The following NPHP4 variants were observed in gnomAD, a reference collection of about 807,000 sequenced individuals.
NPHP4 encodes nephrocystin 4.
A neutral mutation model predicts 155.8 loss-of-function variants in NPHP4; 151 were observed. That is an observed-to-expected ratio of 0.97 (90% confidence interval 0.85 to 1.11). The LOEUF (loss-of-function observed/expected upper bound fraction) is 1.11, where lower values mean the gene tolerates loss of function less well. Ranked by LOEUF, NPHP4 falls within the 50% of genes least tolerant of loss-of-function variation. The probability of loss-of-function intolerance (pLI) is 0.00; values close to 1 mark genes in which losing one functional copy is unlikely to be tolerated. For synonymous variants in NPHP4, 845 were observed against 816.8 expected, an observed-to-expected ratio of 1.03 and a Z score of -0.59; for missense variants, 1,956 against 1,925.7, an observed-to-expected ratio of 1.02 and a Z score of -0.29.
At chr1:5,988,429 C>T (rs1655793165) in intron 1 of NPHP4, among the ~76,000 whole-genome samples, 1 of 152,216 alleles carries the variant, frequency 6.6e-6, no homozygotes, top group African/African-American at 2.4e-5. Context: ...AAAAGAATCC[C>T]ACTCTTCTAA....
chr1:5,864,982 G>A lies in NPHP4; in HGVS notation c.3816+120C>T, dbSNP rs77330483. ...AGGCCTCTGGTAACAGCGTCTGCGC[G>A]CTGGAGGCGCTGGAAAAGCTGCTGT... On this transcript the variant is annotated intron_variant, in intron 27 of 29. Transcript: ENST00000378156. 711 of 971,026 alleles carry A rather than the reference G, an allele frequency of 7.3e-4. 3 individuals carry two copies. Among genetic ancestry groups the A allele is most frequent in the Middle Eastern group, 1.9e-3 (6 of 3,240 alleles). The allele number at this position is 971,026 out of a possible 1,614,324, so 60.2% of individuals were successfully genotyped here.
intron 2 of NPHP4, among the ~76,000 whole-genome samples, chr1:5,981,746 G>C (rs1022529320): frequency 4.6e-5 from 7 of 152,056 alleles, no homozygotes; most frequent in African/African-American, 9.7e-5. Context: ...TATTTTGATT[G>C]ATCTTTGTAA....
At chr1:5,907,050 C>G in intron 13 of NPHP4, 65 bp downstream of exon 13, 4 of 997,636 alleles carry the variant, frequency 4.0e-6, no homozygotes, top group Non-Finnish European at 5.7e-6. Flanking sequence ...GTGCAAAAAC[C>G]CAAAATGAGG....
At chr1:5,950,736 C>T (rs552022549) in intron 7 of NPHP4, among the ~76,000 whole-genome samples, 25 of 152,280 alleles carry the variant, frequency 1.6e-4, no homozygotes, top group African/African-American at 4.3e-4. Flanking sequence ...CAGCCCCCAG[C>T]GGACCAGCCA....
Position 5,904,611 on chromosome 1 carries a change from A to T in NPHP4, c.2143+6T>A. On this transcript the variant is annotated splice_donor_region_variant and intron_variant, in intron 16 of 29. Transcript: ENST00000378156. ...TCTTGCCTTTGCCATGCACATGAGT[A>T]CTCACCAGCATCAAAGGTGCCATCT... The T allele has an allele frequency of 6.2e-7, 1 of 1,600,028 alleles. No homozygotes were observed. The highest frequency in any genetic ancestry group is 2.2e-5 in the East Asian group (1 of 44,686).
At chr1:5,886,918 A>C in intron 18 of NPHP4, 9 of 199,332 alleles carry the variant, frequency 4.5e-5, no homozygotes, top group Non-Finnish European at 8.1e-5. Flanking sequence ...GCTGCAGGGA[A>C]GTTAGGAACA....
rs1644185934 is a variant in NPHP4 at position 5,892,568 on chromosome 1, AGTG to A, written c.2144-1543_2144-1541del. ...AAAGGCCCTGGCAGTGCTGGGGTAT[AGTG>A]GTGACAGAATGGGGGCCGGTCCAGC... is the stretch of plus-strand genomic sequence containing the variant. On this transcript the variant is annotated intron_variant, in intron 16 of 29. Transcript: ENST00000378156. This position sits in a 1 kb window ranked among gnomAD's most constrained non-coding sequence, Gnocchi z 4.5. Among the ~76,000 whole-genome samples the A allele has an allele frequency of 6.6e-6, 1 of 152,132 alleles. No homozygotes were observed. The highest frequency in any genetic ancestry group is 1.5e-5 in the Non-Finnish European group (1 of 68,000).
At chr1:5,888,598 T>C (rs779109303) in intron 17 of NPHP4, 5 of 1,351,250 alleles carry the variant, frequency 3.7e-6, no homozygotes, top group South Asian at 2.3e-5. Context: ...ACTGAGAAGA[T>C]ATGAGAAGTC....
At chr1:5,976,132 G>A (rs892079518) in intron 3 of NPHP4, among the ~76,000 whole-genome samples, 1 of 152,198 alleles carries the variant, frequency 6.6e-6, no homozygotes, top group African/African-American at 2.4e-5. Context: ...GAAGCAGGAG[G>A]TCACGGAGGC....
chr1:5,875,103 G>A lies in NPHP4; in HGVS notation c.2818-3C>T. The A allele has an allele frequency of 1.9e-6, 3 of 1,592,576 alleles. No individual in the cohort carries two copies. The highest frequency in any genetic ancestry group is 4.5e-5 in the East Asian group (2 of 44,308). On this transcript the variant is annotated splice_region_variant and splice_polypyrimidine_tract_variant and intron_variant, in intron 20 of 29. Coordinates refer to ENST00000378156, the MANE Select transcript of NPHP4 (RefSeq NM_015102.5). The stretch of plus-strand genomic sequence containing the variant: ...TGTGTGCGGACGCTCTGCTGCGCCT[G>A]CAGACAAGAGGACATGGGTGGACAG...
At chr1:5,914,257 CAAAAAAA>C (rs575438284) in intron 11 of NPHP4, among the ~76,000 whole-genome samples, 91 of 47,390 alleles carry the variant, frequency 1.9e-3, no homozygotes, top group Middle Eastern at 0.019. Flanking sequence ...CTTATCTATA[CAAAAAAA>C]AAAAAAAAAA....
At chr1:5,953,765 C>G (rs1305873398) in intron 6 of NPHP4, among the ~76,000 whole-genome samples, 1 of 152,252 alleles carries the variant, frequency 6.6e-6, no homozygotes, top group Non-Finnish European at 1.5e-5. Context: ...GCCTTCTCCA[C>G]TTGCTCTAGA....
rs1248677592 is a variant in NPHP4, at chr1:5,890,257, T to C, written c.2304+611A>G. Among the ~76,000 whole-genome samples, 3 of 152,122 alleles carry C rather than the reference T, an allele frequency of 2.0e-5. No individual in the cohort carries two copies. The highest frequency in any genetic ancestry group is 4.1e-4 in the South Asian group (2 of 4,828). ...GCCTGAGAGAAGTCTCAGGACACCA[T>C]GGTAGCGTGTGAAACTGGCCCCAGT... On this transcript the variant is annotated intron_variant, in intron 17 of 29. Transcript: ENST00000378156. This position sits in a 1 kb window ranked among gnomAD's most constrained non-coding sequence, Gnocchi z 4.9.
chr1:5,991,951 AGG>A, intron 1 of NPHP4, among the ~76,000 whole-genome samples: 1 of 19,650 alleles, frequency 5.1e-5, no homozygotes, highest in Non-Finnish European at 1.0e-4. Flanking sequence ...GGCAGGGGGC[AGG>A]GGGCAAAGGG....
intron 12 of NPHP4, 30 bp downstream of exon 12, chr1:5,909,122 T>C (rs745643691): frequency 1.9e-6 from 3 of 1,552,572 alleles, no homozygotes; most frequent in South Asian, 2.3e-5. Flanking sequence ...TCTGGAATTC[T>C]GAAGGAGGCC....
At chr1:5,885,556 A>C (rs568159819) in intron 18 of NPHP4, among the ~76,000 whole-genome samples, 1 of 152,314 alleles carries the variant, frequency 6.6e-6, no homozygotes, top group South Asian at 2.1e-4. Context: ...TCCTCTCCCC[A>C]TCATCAGAGT....
rs1195128294 is a variant in NPHP4 at position 5,969,086 on chromosome 1, C to A, written c.452+1G>T. 1 of 1,545,134 alleles carries A rather than the reference C, an allele frequency of 6.5e-7. No individual in the cohort carries two copies. Among genetic ancestry groups the A allele is most frequent in the Non-Finnish European group, 8.8e-7 (1 of 1,141,706 alleles). ...CAGGGTTGTAGAAACAAGGCAGGTA[C>A]CTTTTGTCCTGGGAAGCAGAGATAG... On this transcript the variant is annotated splice_donor_variant, in intron 4 of 29. Coordinates refer to ENST00000378156, the MANE Select transcript of NPHP4 (RefSeq NM_015102.5). LOFTEE classifies it high-confidence loss of function.
chr1:5,879,303 T>C, intron 19 of NPHP4: 1 of 307,664 alleles, frequency 3.3e-6, no homozygotes, highest in East Asian at 8.6e-5. Context: ...CCACTTGTAA[T>C]TCAAATGACA....
At chr1:5,968,778 A>C (rs1035406455) in intron 4 of NPHP4, among the ~76,000 whole-genome samples, 2 of 152,162 alleles carry the variant, frequency 1.3e-5, no homozygotes, top group Non-Finnish European at 2.9e-5. Context: ...TCTACTAAAA[A>C]TACAAAAATT....
Sources: allele counts gnomAD v4.1 joint callset (sites outside exome capture counted in the v4.1 genomes callset), GRCh38; gene constraint gnomAD v4.1.1; non-coding constraint Gnocchi (gnomAD v3.1); transcripts MANE v1.5; gene names NCBI Gene and HGNC (gene_info 2026-07-23, HGNC 2026-07-21).